MYH6: variants seen among roughly 807,000 people sequenced by gnomAD.
The protein encoded by MYH6 is myosin heavy chain 6, also known as myosin-6.
Under a neutral mutation model 223.2 loss-of-function variants are expected in MYH6, and 126 were observed. That is an observed-to-expected ratio of 0.56 (90% CI 0.49 to 0.65). The LOEUF (loss-of-function observed/expected upper bound fraction) is 0.65. Among genes scored for constraint, MYH6 ranks in the 30% least tolerant of loss-of-function variants. MYH6 has a pLI of 0.00. For synonymous variants in MYH6, 978 were observed against 1,010.2 expected (o/e 0.97, Z 0.61); for missense variants, 2,040 against 2,536.4 (o/e 0.80, Z 4.20).
intron 30 of MYH6, 40 bp from the exon 31 acceptor site, chr14:23,387,963 T>C (rs1316546274): frequency 2.5e-6 from 4 of 1,611,036 alleles, no homozygotes; most frequent in South Asian, 1.1e-5. Flanking sequence ...CCCCCAGCCT[T>C]AGCTCCCCAG....
intron 32 of MYH6, 147 bp downstream of exon 32, chr14:23,387,382 T>C (rs1361519437): frequency 1.6e-6 from 2 of 1,286,952 alleles, no homozygotes; most frequent in Admixed American, 3.5e-5. Context: ...GAGGCAGTCA[T>C]GGGTAGTGAA....
chr14:23,407,134 G>A lies in MYH6; in HGVS notation c.90C>T (p.Pro30=). The A allele has an allele frequency of 5.0e-6, 8 of 1,614,244 alleles. No individual in the cohort carries two copies. The highest frequency in any genetic ancestry group is 6.8e-6 in the Non-Finnish European group (8 of 1,180,052). ...CGAAGCACTCAGTGCGAATGTCAAA[G>A]GGCCGGGTCTGGGCCTCTAGACGCT... ...EKERLEAQTR[P]FDIRTECFVP... The change falls in exon 3 of 39, where the codon CCC becomes CCT. Residue 30 remains proline, a synonymous_variant. Transcript: ENST00000405093. The surrounding 1 kb of genome is among the most constrained non-coding windows in gnomAD (Gnocchi z 5.6).
chr14:23,399,136 G>A (rs957262661), intron 14 of MYH6, 99 bp from the exon 15 acceptor site: 15 of 1,434,958 alleles, frequency 1.0e-5, no homozygotes, highest in Non-Finnish European at 1.5e-5. Context: ...GGAGCCAGTA[G>A]CGCTGGCCTG....
chr14:23,392,995 T>C lies in MYH6; in HGVS notation c.3168A>G (p.Lys1056=), dbSNP rs1566509707. 1.2e-6 allele frequency: 2 copies of C among 1,614,228 alleles called. No homozygotes were observed. Among genetic ancestry groups the C allele is most frequent in the Non-Finnish European group, 8.5e-7 (1 of 1,180,050 alleles). Residue 1056 remains lysine (K), a synonymous_variant, in exon 24 of 39, where the codon AAA becomes AAG. Coordinates refer to ENST00000405093, the MANE Select transcript of MYH6 (RefSeq NM_002471.4). ...GGGTCAGCTTCAGGTCGCCCTCCAG[T>C]TTCCGCTTTGCTCGCTCCAGGTCCA... ...VRMDLERAKR[K]LEGDLKLTQE...
chr14:23,396,114 A>AG (rs1555334145), intron 20 of MYH6, among the ~76,000 whole-genome samples, 170 bp downstream of exon 20: 1,686 of 144,718 alleles, frequency 0.012, 32 homozygotes, highest in African/African-American at 0.039. Flanking sequence ...AAAAAAAAAA[A>AG]AAGAAGAAGA....
chr14:23,392,847 C>G, intron 24 of MYH6, 65 bp downstream of exon 24: 24 of 1,603,458 alleles, frequency 1.5e-5, no homozygotes, highest in Non-Finnish European at 1.9e-5. Flanking sequence ...AGGCGCAGCA[C>G]CCTGCACTCT....
In MYH6 at chr14:23,387,755, C is replaced by T. The variant is rs750348638; in HGVS notation, c.4525+3G>A. On this transcript the variant is annotated splice_donor_region_variant and intron_variant, in intron 31 of 38. Transcript: ENST00000405093. The stretch of plus-strand genomic sequence containing the variant: ...TCTCTGGCCTCTTGGACCCCCAGCA[C>T]ACCCTGAAGGTTCTTGTTCTCCCGC... 5.6e-6 allele frequency: 9 copies of T among 1,614,136 alleles called. No homozygotes were observed. In the Admixed American group the frequency reaches 1.5e-4, roughly 27 times the overall value.
chr14:23,407,716 G>T lies in MYH6; in HGVS notation c.-46-108C>A. ...GGCAGGCCACCCGGGGATGGAGGCA[G>T]CCCCAGAGCGCAGACAGGCAGGACA... On this transcript the variant is annotated intron_variant, in intron 1 of 38. Coordinates refer to ENST00000405093, the MANE Select transcript of MYH6 (RefSeq NM_002471.4). This position sits in a 1 kb window ranked among gnomAD's most constrained non-coding sequence, Gnocchi z 5.6. 1 of 778,820 alleles carries T rather than the reference G, an allele frequency of 1.3e-6. No homozygotes were observed. The highest frequency in any genetic ancestry group is 8.9e-5 in the East Asian group (1 of 11,242). 48.2% of individuals were successfully genotyped at this position (778,820 alleles called of 1,614,324 possible). A position where few individuals can be genotyped will look rare whatever the true frequency, so the allele number is the denominator to read the frequency against.
intron 38 of MYH6, 28 bp downstream of exon 38, chr14:23,382,400 A>C: frequency 6.2e-7 from 1 of 1,613,722 alleles, no homozygotes; most frequent in East Asian, 2.2e-5. Flanking sequence ...TGTGGAAGTG[A>C]CTAGTGAAGC....
chr14:23,382,203 G>A (rs983580604), intron 38 of MYH6, 140 bp from the exon 39 acceptor site: 3 of 1,124,258 alleles, frequency 2.7e-6, no homozygotes, highest in Admixed American at 1.7e-5. Context: ...GTGGTCCCAC[G>A]TTAGAGGCAC....
chr14:23,400,892 G>T lies in MYH6; in HGVS notation c.1227C>A (p.Asn409Lys), dbSNP rs752919716. 2 of 1,614,050 alleles carry T rather than the reference G, an allele frequency of 1.2e-6. No homozygotes were observed. The highest frequency in any genetic ancestry group is 1.3e-5 in the African/African-American group (1 of 74,914). ...CGCTCTGCCCCTTGGTGACATACTC[G>T]TTGCCCACTTTCACCCGAGGGTGGC... ...GLCHPRVKVG[N>K]EYVTKGQSVQ... The change falls in exon 13 of 39, where the codon AAC (asparagine) becomes AAA (lysine). Residue 409 changes from asparagine (N) to lysine (K), a missense_variant. Asn to Lys is a moderately conservative substitution (Grantham distance 94). Transcript: ENST00000405093.
rs754907165 is a variant in MYH6, at chr14:23,402,432, C to A, written c.1141+32G>T. ...CAGAGAGCCTGGTCAGCACCTCAGGCCTTCCCAGGGCTGCCTGCCTGCCCC... is the reference window on the plus strand; with the variant it reads ...CAGAGAGCCTGGTCAGCACCTCAGGACTTCCCAGGGCTGCCTGCCTGCCCC... On this transcript the variant is annotated intron_variant, in intron 12 of 38. Coordinates refer to ENST00000405093, the MANE Select transcript of MYH6 (RefSeq NM_002471.4). The A allele has an allele frequency of 1.2e-5, 20 of 1,611,100 alleles. No individual in the cohort carries two copies. In the South Asian group the frequency reaches 2.0e-4, roughly 16 times the overall value.
At position 23,405,875 on chromosome 14, in the gene MYH6, C is replaced by A. The variant is rs1434375551; in HGVS notation, c.202-105G>T. 35 of 1,451,904 alleles carry A rather than the reference C, an allele frequency of 2.4e-5. No individual in the cohort carries two copies. The highest frequency in any genetic ancestry group is 3.2e-5 in the Non-Finnish European group (33 of 1,037,720). 89.9% of individuals were successfully genotyped at this position (1,451,904 alleles called of 1,614,324 possible). ...CCCAGGACACAGGGACTTGGCCTTGCTCCCCTTGCTCTGACCAGTGCCCCG... is the reference window on the plus strand; with the variant it reads ...CCCAGGACACAGGGACTTGGCCTTGATCCCCTTGCTCTGACCAGTGCCCCG... On this transcript the variant is annotated intron_variant, in intron 3 of 38. Transcript: ENST00000405093. The surrounding 1 kb of genome is among the most constrained non-coding windows in gnomAD (Gnocchi z 4.7).
chr14:23,397,943 C>CTTCTTCTTCTTCTTCTTCTTCTTCTTT lies in MYH6; in HGVS notation c.1892-331_1892-330insAAAGAAGAAGAAGAAGAAGAAGAAGAA, dbSNP rs1566512371. ...TCCTCCTCCTCCTCCTCTTCTTCTT[C>CTTCTTCTTCTTCTTCTTCTTCTTCTTT]TTCTTCTTCTTCTTCTTCTTCTTCT... On this transcript the variant is annotated intron_variant, in intron 15 of 38. Coordinates refer to ENST00000405093, the MANE Select transcript of MYH6 (RefSeq NM_002471.4). 5.5e-4 allele frequency among the ~76,000 whole-genome samples: 32 copies of CTTCTTCTTCTTCTTCTTCTTCTTCTTT among 58,056 alleles called. 1 individual carries two copies. Among genetic ancestry groups the CTTCTTCTTCTTCTTCTTCTTCTTCTTT allele is most frequent in the Middle Eastern group, 7.8e-3 (1 of 128 alleles). 38.1% of individuals were successfully genotyped at this position (58,056 alleles called of 152,430 possible).
Position 23,403,784 on chromosome 14 carries a change from G to A in MYH6, c.736-6C>T. ...TGGATCCTAATGAATTTCCCCTGGGGACGAATGGGACAGAGTGAGGGAACT... is the reference window on the plus strand; with the variant it reads ...TGGATCCTAATGAATTTCCCCTGGGAACGAATGGGACAGAGTGAGGGAACT... On this transcript the variant is annotated splice_region_variant and splice_polypyrimidine_tract_variant and intron_variant, in intron 8 of 38. Coordinates refer to ENST00000405093, the MANE Select transcript of MYH6 (RefSeq NM_002471.4). 1 of 1,608,388 alleles carries A rather than the reference G, an allele frequency of 6.2e-7. No homozygotes were observed. Among genetic ancestry groups the A allele is most frequent in the East Asian group, 2.2e-5 (1 of 44,712 alleles).
Position 23,389,072 on chromosome 14 carries a change from G to GGGGGGGGGGGGGGC in MYH6, c.3979-18_3979-17insGCCCCCCCCCCCCC. 1 of 1,135,166 alleles carries GGGGGGGGGGGGGGC rather than the reference G, an allele frequency of 8.8e-7. No homozygotes were observed. Among genetic ancestry groups the GGGGGGGGGGGGGGC allele is most frequent in the East Asian group, 2.7e-5 (1 of 36,600 alleles). The allele number at this position is 1,135,166 out of a possible 1,614,324, so 70.3% of individuals were successfully genotyped here. ...GTTCTTCGCCTGGGGAGGGGGGGGG[G>GGGGGGGGGGGGGGC]CACCAGGAGGTGGGAGGGACTCCCT... On this transcript the variant is annotated splice_polypyrimidine_tract_variant and intron_variant, in intron 28 of 38. Transcript: ENST00000405093.
intron 20 of MYH6, among the ~76,000 whole-genome samples, chr14:23,394,911 G>A (rs147469076): frequency 0.01 from 1,552 of 152,190 alleles, 30 homozygotes; most frequent in African/African-American, 0.035. Flanking sequence ...TGTTGCCCAG[G>A]CTGGAGTGCA....
chr14:23,393,666 C>A lies in MYH6; in HGVS notation c.2928G>T (p.Lys976Asn). ...TGAAGCCAGAGGGAGCTGCCCTCACCTTGTTCTCTGTTGCATGCTTCTCCT... is the reference window on the plus strand; with the variant it reads ...TGAAGCCAGAGGGAGCTGCCCTCACATTGTTCTCTGTTGCATGCTTCTCCT... ...VEKEKHATEN[K>N]VKNLTEEMAG... Residue 976 changes from lysine (K) to asparagine (N), a missense_variant and splice_region_variant, in exon 22 of 39, where the codon AAG (lysine) becomes AAT (asparagine). Transcript: ENST00000405093. The A allele has an allele frequency of 6.2e-7, 1 of 1,614,182 alleles. No individual in the cohort carries two copies. The highest frequency in any genetic ancestry group is 8.5e-7 in the Non-Finnish European group (1 of 1,180,030).
At position 23,405,338 on chromosome 14, in the gene MYH6, C is replaced by A; in HGVS notation, c.387G>T (p.Lys129Asn). ...CCTCGGCATTGTACACCGGCAGCCA[C>A]TTGTAGGGGTTGACAGTGACACAGA... ...GLFCVTVNPY[K>N]WLPVYNAEVV... is the part of the protein sequence containing the mutation. The change falls in exon 5 of 39, where the codon AAG (lysine) becomes AAT (asparagine). Residue 129 changes from lysine to asparagine, a missense_variant. Physicochemically the swap from Lys to Asn is moderately conservative, Grantham distance 94. Transcript: ENST00000405093. The surrounding 1 kb of genome is among the most constrained non-coding windows in gnomAD (Gnocchi z 4.7). The A allele has an allele frequency of 6.2e-7, 1 of 1,614,150 alleles. No homozygotes were observed. The highest frequency in any genetic ancestry group is 8.5e-7 in the Non-Finnish European group (1 of 1,180,002).
Sources: gnomAD v4.1 joint callset for allele counts (sites outside exome capture counted in the v4.1 genomes callset) on GRCh38, gnomAD v4.1.1 for gene constraint, Gnocchi (gnomAD v3.1) non-coding constraint, MANE v1.5 for transcripts, NCBI Gene and HGNC (gene_info 2026-07-23, HGNC 2026-07-21) for gene names.